STRBP: variants seen among roughly 807,000 people sequenced by gnomAD.
STRBP encodes the protein spermatid perinuclear RNA-binding protein.
STRBP carries 13 observed loss-of-function variants against 80.1 expected under a neutral mutation model. That is an observed-to-expected ratio of 0.16 (90% CI 0.11 to 0.26). STRBP has a LOEUF of 0.26. STRBP is among the 10% of genes least tolerant of loss of function. The probability of loss-of-function intolerance (pLI) is 1.00; values close to 1 mark genes in which losing one functional copy is unlikely to be tolerated. For missense variants in STRBP, 485 were observed against 815.2 expected (o/e 0.59, Z 4.93); for synonymous variants, 284 against 291.2 (o/e 0.98, Z 0.25).
intron 3 of STRBP, 139 bp downstream of exon 3, chr9:123,183,993 A>T (rs553044163): frequency 1.5e-6 from 1 of 668,604 alleles, no homozygotes; most frequent in African/African-American, 1.8e-5. Flanking sequence ...TTTGAATAGT[A>T]GAGTGCCATC....
downstream of STRBP, chr9:123,121,559 T>C (rs1166404718): frequency 6.6e-6 from 1 of 152,188 alleles, no homozygotes; most frequent in African/African-American, 2.4e-5. Flanking sequence ...CTGCAAATAA[T>C]TAACTTAGCT....
chr9:123,124,503 C>T lies in STRBP; in HGVS notation c.*1094G>A, dbSNP rs2035824024. 9.1e-6 allele frequency: 9 copies of T among 985,436 alleles called. No homozygotes were observed. Among genetic ancestry groups the T allele is most frequent in the Non-Finnish European group, 1.1e-5 (9 of 829,932 alleles). The allele number at this position is 985,436 out of a possible 1,614,324, so 61.0% of individuals were successfully genotyped here. A position where few individuals can be genotyped will look rare whatever the true frequency, so the allele number is the denominator to read the frequency against. On this transcript the variant is annotated 3_prime_UTR_variant, in exon 19 of 19. Coordinates refer to ENST00000348403, the MANE Select transcript of STRBP (RefSeq NM_018387.5). ...CATGGCTGAAACCTGTCACTTTTCACAGCAGCACTCAACAAGAACTGGGAC... is the reference window on the plus strand; with the variant it reads ...CATGGCTGAAACCTGTCACTTTTCATAGCAGCACTCAACAAGAACTGGGAC...
Position 123,123,934 on chromosome 9 carries a change from T to C in STRBP, c.*1663A>G, listed in dbSNP as rs2035807629. On this transcript the variant is annotated 3_prime_UTR_variant, in exon 19 of 19. Transcript: ENST00000348403. The stretch of plus-strand genomic sequence containing the variant: ...CCTCTTGTTTATGTCTAGCCACTAA[T>C]GCACAGGATGAGAATGATAAGTTAC... 1 of 985,322 alleles carries C rather than the reference T, an allele frequency of 1.0e-6. No individual in the cohort carries two copies. The allele number at this position is 985,322 out of a possible 1,614,324, so 61.0% of individuals were successfully genotyped here.
In STRBP at chr9:123,126,814, T is replaced by G. The variant is rs1284300720; in HGVS notation, c.1943-1141A>C. Reference sequence around the variant, plus strand: ...GTGAGCCAAAATGTACTTGGATAAATGGACCAGACCTAAGTCACAGAGAGG... The same window carrying G: ...GTGAGCCAAAATGTACTTGGATAAAGGGACCAGACCTAAGTCACAGAGAGG... On this transcript the variant is annotated intron_variant, in intron 18 of 18. Transcript: ENST00000348403. The surrounding 1 kb of genome is among the most constrained non-coding windows in gnomAD (Gnocchi z 4.4). 2.6e-5 allele frequency among the ~76,000 whole-genome samples: 4 copies of G among 152,158 alleles called. No homozygotes were observed. The highest frequency in any genetic ancestry group is 5.9e-5 in the Non-Finnish European group (4 of 68,030).
chr9:123,264,147 C>T (rs1210514965), intron 1 of STRBP, among the ~76,000 whole-genome samples: 2 of 152,198 alleles, frequency 1.3e-5, no homozygotes, highest in African/African-American at 2.4e-5. Flanking sequence ...CTACTGCACT[C>T]CAGCCTGGCG....
intron 1 of STRBP, among the ~76,000 whole-genome samples, chr9:123,254,018 T>C (rs1375587841): frequency 6.6e-6 from 1 of 151,762 alleles, no homozygotes; most frequent in East Asian, 1.9e-4. Context: ...TTTAAAATGG[T>C]TAGCCTTTTA....
intron 3 of STRBP, chr9:123,112,699 G>C (rs1180688273): frequency 1.2e-5 from 2 of 167,266 alleles, no homozygotes; most frequent in African/African-American, 4.8e-5. Flanking sequence ...TCCACCCCCA[G>C]GGGTAGTTGC....
At position 123,143,256 on chromosome 9, in the gene STRBP, T is replaced by C. The variant is rs1248036434; in HGVS notation, c.1339-3569A>G. On this transcript the variant is annotated intron_variant, in intron 13 of 18. Coordinates refer to ENST00000348403, the MANE Select transcript of STRBP (RefSeq NM_018387.5). ...TGACTAAGATTCTTTTCATGTAATA[T>C]GGATGATTATGACCCTAAAGGTATC... 4.6e-5 allele frequency among the ~76,000 whole-genome samples: 7 copies of C among 152,340 alleles called. No individual in the cohort carries two copies. The South Asian group carries it at 1.2e-3, about 27-fold the overall frequency.
chr9:123,158,232 G>T, intron 10 of STRBP, 100 bp downstream of exon 10: 1 of 1,481,242 alleles, frequency 6.8e-7, no homozygotes. Context: ...AACAGCAGAA[G>T]TCCCTAACAA....
At chr9:123,228,971 G>A (rs1279472710) in intron 2 of STRBP, among the ~76,000 whole-genome samples, 1 of 152,170 alleles carries the variant, frequency 6.6e-6, no homozygotes, top group Non-Finnish European at 1.5e-5. Context: ...CAAACAAAAT[G>A]TGGCATATTC....
At chr9:123,139,188 C>A (rs1238661918) in intron 14 of STRBP, among the ~76,000 whole-genome samples, 1 of 152,166 alleles carries the variant, frequency 6.6e-6, no homozygotes, top group Non-Finnish European at 1.5e-5. Flanking sequence ...TCAGTTACTG[C>A]TGATACTCTT....
rs1333459790 is a variant in STRBP, at chr9:123,115,856, C to G, written c.*84+73G>C. 2 of 361,926 alleles carry G rather than the reference C, an allele frequency of 5.5e-6. No individual in the cohort carries two copies. The highest frequency in any genetic ancestry group is 4.3e-5 in the African/African-American group (2 of 46,900). 22.4% of individuals were successfully genotyped at this position (361,926 alleles called of 1,614,324 possible). ...AGGTGTATTTTAGCTCAAATTGCCC[C>G]ACTGGCTTCCCATAATTGTCTTTCA... On this transcript the variant is annotated intron_variant and NMD_transcript_variant, in intron 3 of 3. Coordinates refer to the STRBP transcript ENST00000471564. This position sits in a 1 kb window ranked among gnomAD's most constrained non-coding sequence, Gnocchi z 5.0.
intron 2 of STRBP, among the ~76,000 whole-genome samples, chr9:123,200,916 T>C (rs1116218): frequency 0.016 from 2,397 of 151,628 alleles, 35 homozygotes; most frequent in South Asian, 0.069. Flanking sequence ...TCTCACTGCT[T>C]GTTATTGGTC....
chr9:123,128,904 T>A (rs2036010972), intron 17 of STRBP, among the ~76,000 whole-genome samples: 1 of 152,218 alleles, frequency 6.6e-6, no homozygotes, highest in Non-Finnish European at 1.5e-5. Flanking sequence ...CATCAGCCTC[T>A]GGTACCTATG....
At position 123,160,465 on chromosome 9, in the gene STRBP, AAAAC is replaced by A. The variant is rs765912151; in HGVS notation, c.628-7_628-4del. 23 of 1,582,780 alleles carry A rather than the reference AAAAC, an allele frequency of 1.5e-5. No homozygotes were observed. Among genetic ancestry groups the A allele is most frequent in the Middle Eastern group, 1.7e-4 (1 of 5,992 alleles). On this transcript the variant is annotated splice_polypyrimidine_tract_variant and splice_region_variant and intron_variant, in intron 7 of 18. Coordinates refer to ENST00000348403, the MANE Select transcript of STRBP (RefSeq NM_018387.5). Reference sequence around the variant, plus strand: ...GATTTTAATCCATTTGCCCTTGCCTAAAACAAACAAAATGATTCCAGATATCCCT... The same window carrying A: ...GATTTTAATCCATTTGCCCTTGCCTAAAACAAAATGATTCCAGATATCCCT...
intron 2 of STRBP, among the ~76,000 whole-genome samples, chr9:123,196,219 T>C (rs1255757798): frequency 6.6e-6 from 1 of 151,980 alleles, no homozygotes; most frequent in Non-Finnish European, 1.5e-5. Context: ...TATACAAAAA[T>C]CAAATCAAAG....
intron 5 of STRBP, among the ~76,000 whole-genome samples, chr9:123,171,367 T>A (rs1032126432): frequency 6.6e-6 from 1 of 152,172 alleles, no homozygotes; most frequent in African/African-American, 2.4e-5. Context: ...CGTACTTAGA[T>A]AACTGAAAGT....
intron 3 of STRBP, among the ~76,000 whole-genome samples, chr9:123,183,454 C>A (rs919872469): frequency 2.6e-5 from 4 of 151,598 alleles, no homozygotes; most frequent in Admixed American, 2.0e-4. Context: ...AAAAAAGAAA[C>A]CTTTTCTCGC....
chr9:123,133,085 GCTGT>G, intron 16 of STRBP, 117 bp from the exon 17 acceptor site: 2 of 1,289,336 alleles, frequency 1.6e-6, no homozygotes, highest in South Asian at 1.5e-5. Flanking sequence ...GAGACCATGA[GCTGT>G]CTGTGATCTT....
Sources: gnomAD v4.1 joint callset for allele counts (sites outside exome capture counted in the v4.1 genomes callset) on GRCh38, gnomAD v4.1.1 for gene constraint, Gnocchi (gnomAD v3.1) non-coding constraint, MANE v1.5 for transcripts, NCBI Gene and HGNC (gene_info 2026-07-23, HGNC 2026-07-21) for gene names.